Variants in MPP2 observed in about 807,000 individuals in gnomAD.
The protein encoded by MPP2 is MAGUK p55 scaffold protein 2, also known as MAGUK p55 subfamily member 2.
In MPP2, 42 loss-of-function variants were observed where a neutral mutation model predicts 58.5. The ratio of observed to expected loss-of-function variants is 0.72; its 90% CI spans 0.56 to 0.93. The LOEUF (loss-of-function observed/expected upper bound fraction) is 0.93, where lower values mean the gene tolerates loss of function less well. MPP2 is among the 40% of genes least tolerant of loss of function. The pLI is 0.00. For missense variants in MPP2, 632 were observed against 760.4 expected (o/e 0.83, Z 1.99); for synonymous variants, 300 against 307.8 (o/e 0.97, Z 0.26).
intron 3 of MPP2, among the ~76,000 whole-genome samples, chr17:43,893,949 T>C (rs2047711210): frequency 6.6e-6 from 1 of 152,102 alleles, no homozygotes; most frequent in East Asian, 1.9e-4. Flanking sequence ...AGAAGCACCT[T>C]ACACTATCAT....
chr17:43,882,836 C>T (rs2047197980), intron 5 of MPP2, 67 bp downstream of exon 5: 24 of 1,594,374 alleles, frequency 1.5e-5, no homozygotes, highest in South Asian at 1.2e-4. Context: ...CTTTTTTGTC[C>T]GTTCATTGGT....
Position 43,879,548 on chromosome 17 carries a change from G to A in MPP2, c.1354-145C>T, listed in dbSNP as rs1439702358. ...CCCGGGGGTCTGGGACATGAGTCCT[G>A]GGACAAATGACAAACAGCTGGCAGG... On this transcript the variant is annotated intron_variant, in intron 11 of 12. Coordinates refer to ENST00000269095, the MANE Select transcript of MPP2 (RefSeq NM_005374.5). This position sits in a 1 kb window ranked among gnomAD's most constrained non-coding sequence, Gnocchi z 4.1. The A allele has an allele frequency of 9.0e-7, 1 of 1,107,890 alleles. No individual in the cohort carries two copies. The highest frequency in any genetic ancestry group is 1.6e-5 in the African/African-American group (1 of 64,078). The allele number at this position is 1,107,890 out of a possible 1,614,324, so 68.6% of individuals were successfully genotyped here.
chr17:43,909,135 C>T (rs570287132), upstream of MPP2, among the ~76,000 whole-genome samples: 2 of 152,240 alleles, frequency 1.3e-5, no homozygotes, highest in East Asian at 1.9e-4. Context: ...GGCATGATCT[C>T]GGCTCGTCGC....
intron 2 of MPP2, among the ~76,000 whole-genome samples, chr17:43,900,015 G>C (rs1171638352): frequency 3.9e-5 from 6 of 152,204 alleles, no homozygotes; most frequent in Admixed American, 6.5e-5. Context: ...CAATGCTCTT[G>C]TCAGTGCCCC....
chr17:43,909,409 A>G, upstream of MPP2: 1 of 491,644 alleles, frequency 2.0e-6, no homozygotes, highest in Non-Finnish European at 3.3e-6. Context: ...TCCCCTTTCC[A>G]TTATAAAGGC....
In MPP2 at chr17:43,880,080, G is replaced by A. The variant is rs950702977; in HGVS notation, c.1151-96C>T. 2.5e-6 allele frequency: 3 copies of A among 1,205,212 alleles called. No homozygotes were observed. In the East Asian group the frequency reaches 7.4e-5, roughly 30 times the overall value. 74.7% of individuals were successfully genotyped at this position (1,205,212 alleles called of 1,614,324 possible). ...CCCCTACCCAGGCCCCCGTTTCCCAGCCTTGGAGGTGCAGTCTGCTCCCCA... is the reference window on the plus strand; with the variant it reads ...CCCCTACCCAGGCCCCCGTTTCCCAACCTTGGAGGTGCAGTCTGCTCCCCA... On this transcript the variant is annotated intron_variant, in intron 10 of 12. Transcript: ENST00000269095. This position sits in a 1 kb window ranked among gnomAD's most constrained non-coding sequence, Gnocchi z 5.2.
At chr17:43,895,129 T>C (rs1172157236) in intron 3 of MPP2, among the ~76,000 whole-genome samples, 1 of 152,072 alleles carries the variant, frequency 6.6e-6, no homozygotes, top group Non-Finnish European at 1.5e-5. Context: ...TATTTTTTTT[T>C]TTGAGACAGT....
At chr17:43,901,570 A>G (rs1227379055) in intron 2 of MPP2, 2 of 985,308 alleles carry the variant, frequency 2.0e-6, no homozygotes, top group Non-Finnish European at 1.2e-6. Context: ...GTCGCATTGC[A>G]CCCCTGGTTG....
intron 2 of MPP2, chr17:43,900,599 G>C (rs921328667): frequency 2.0e-6 from 3 of 1,496,542 alleles, no homozygotes; most frequent in East Asian, 2.5e-5. Context: ...ACACGCCGCC[G>C]TCTACCGCCT....
chr17:43,900,796 C>T (rs973263161), intron 2 of MPP2, among the ~76,000 whole-genome samples: 1 of 152,136 alleles, frequency 6.6e-6, no homozygotes, highest in Non-Finnish European at 1.5e-5. Flanking sequence ...GAGCCCTAGT[C>T]CCACAGATTG....
Position 43,900,821 on chromosome 17 carries a change from T to C in MPP2, c.32-2441A>G, listed in dbSNP as rs191356970. On this transcript the variant is annotated intron_variant, in intron 2 of 12. Transcript: ENST00000269095. ...CCCACAGATTGCCCGATCCCCAGCA[T>C]GTCAGTGTCGGTGGGGATGGGGAGG... Among the ~76,000 whole-genome samples, 8 of 152,202 alleles carry C rather than the reference T, an allele frequency of 5.3e-5. No homozygotes were observed. In the East Asian group the frequency reaches 1.2e-3, roughly 22 times the overall value.
intron 3 of MPP2, among the ~76,000 whole-genome samples, chr17:43,884,990 TGGG>T (rs1206817470): frequency 6.6e-6 from 1 of 151,900 alleles, no homozygotes; most frequent in Non-Finnish European, 1.5e-5. Flanking sequence ...AGCATAGTGG[TGGG>T]CGCCTGTAAT....
Position 43,907,466 on chromosome 17 carries a change from A to T in MPP2, c.-34+8T>A, listed in dbSNP as rs916301672. 1.0e-6 allele frequency: 1 copy of T among 985,450 alleles called. No homozygotes were observed. Among genetic ancestry groups the T allele is most frequent in the Non-Finnish European group, 1.2e-6 (1 of 829,970 alleles). The allele number at this position is 985,450 out of a possible 1,614,324, so 61.0% of individuals were successfully genotyped here. ...TAGGAGCTGGCCCGGGGGCCGGGGGACGCCTACCTGCGCCCCGGGAAGCCC... is the reference window on the plus strand; with the variant it reads ...TAGGAGCTGGCCCGGGGGCCGGGGGTCGCCTACCTGCGCCCCGGGAAGCCC... On this transcript the variant is annotated splice_region_variant and intron_variant, in intron 1 of 12. Transcript: ENST00000269095.
At chr17:43,884,370 GT>G (rs138241298) in intron 3 of MPP2, among the ~76,000 whole-genome samples, 3,754 of 152,178 alleles carry the variant, frequency 0.025, 60 homozygotes, top group South Asian at 0.052. Flanking sequence ...AACATTTGTT[GT>G]TTTGTTTTTT....
chr17:43,906,672 T>C lies in MPP2; in HGVS notation c.-34+802A>G, dbSNP rs1180301295. Reference sequence around the variant, plus strand: ...GGTCGAAAGGCCAGGCGGACGTGCATGCTTGGACCATCAGATCACCCCTGC... The same window carrying C: ...GGTCGAAAGGCCAGGCGGACGTGCACGCTTGGACCATCAGATCACCCCTGC... On this transcript the variant is annotated intron_variant, in intron 1 of 12. Transcript: ENST00000269095. 9.2e-5 allele frequency among the ~76,000 whole-genome samples: 14 copies of C among 152,152 alleles called. No individual in the cohort carries two copies. The East Asian group carries it at 2.5e-3, about 27-fold the overall frequency.
In MPP2 at chr17:43,877,076, G is replaced by C. The variant is rs779355901; in HGVS notation, c.*731C>G. ...TGGCCCCTGCCAGCCTGGCCCTGTGGGGAGCAGGGCTGACCTGTCAGGACA... is the reference window on the plus strand; with the variant it reads ...TGGCCCCTGCCAGCCTGGCCCTGTGCGGAGCAGGGCTGACCTGTCAGGACA... On this transcript the variant is annotated 3_prime_UTR_variant, in exon 13 of 13. Transcript: ENST00000269095. 2.0e-5 allele frequency: 3 copies of C among 152,834 alleles called. No individual in the cohort carries two copies. Among genetic ancestry groups the C allele is most frequent in the East Asian group, 1.9e-4 (1 of 5,198 alleles). The allele number at this position is 152,834 out of a possible 1,614,324, so 9.5% of individuals were successfully genotyped here. A position where few individuals can be genotyped will look rare whatever the true frequency, so the allele number is the denominator to read the frequency against.
Position 43,879,927 on chromosome 17 carries a change from G to A in MPP2, c.1208C>T (p.Ser403Phe), listed in dbSNP as rs2047030842. The change falls in exon 11 of 13, where the codon TCC (serine) becomes TTC (phenylalanine). Residue 403 changes from serine to phenylalanine, a missense_variant. Physicochemically the swap from Ser to Phe is radical, Grantham distance 155 (BLOSUM62 -2). Coordinates refer to ENST00000269095, the MANE Select transcript of MPP2 (RefSeq NM_005374.5). The surrounding 1 kb of genome is among the most constrained non-coding windows in gnomAD (Gnocchi z 4.1). Reference protein sequence around the residue: ...EREGQGYSFVSRGEMEADVRA... With the variant: ...EREGQGYSFVFRGEMEADVRA... ...GACGTCAGCCTCCATCTCCCCACGG[G>A]ACACAAAGCTGTAACCCTGACCTTC... The A allele has an allele frequency of 3.1e-6, 5 of 1,614,102 alleles. No individual in the cohort carries two copies. The highest frequency in any genetic ancestry group is 4.2e-6 in the Non-Finnish European group (5 of 1,180,006).
At chr17:43,894,444 TACACAC>T (rs201714611) in intron 3 of MPP2, among the ~76,000 whole-genome samples, 37,339 of 80,762 alleles carry the variant, frequency 0.46, 8,633 homozygotes, top group East Asian at 0.63. Flanking sequence ...TATATATATA[TACACAC>T]ACACACACAC....
intron 3 of MPP2, among the ~76,000 whole-genome samples, chr17:43,895,120 AT>A (rs11296630): frequency 0.023 from 3,274 of 143,952 alleles, 126 homozygotes; most frequent in African/African-American, 0.084. Context: ...TTATTTATTT[AT>A]TTTTTTTTTT....
Sources: gnomAD v4.1 joint callset for allele counts (sites outside exome capture counted in the v4.1 genomes callset) on GRCh38, gnomAD v4.1.1 for gene constraint, Gnocchi (gnomAD v3.1) non-coding constraint, MANE v1.5 for transcripts, NCBI Gene and HGNC (gene_info 2026-07-23, HGNC 2026-07-21) for gene names.